DPP10: variants seen among roughly 807,000 people sequenced by gnomAD.
The protein encoded by DPP10 is dipeptidyl peptidase like 10, also known as inactive dipeptidyl peptidase 10.
A neutral mutation model predicts 120.9 loss-of-function variants in DPP10; 33 were observed. The ratio of observed to expected loss-of-function variants is 0.27; its 90% CI spans 0.21 to 0.37. The LOEUF is 0.37. Ranked by LOEUF, DPP10 falls within the 10% of genes least tolerant of loss-of-function variation. The probability of loss-of-function intolerance (pLI) is 1.00; values close to 1 mark genes in which losing one functional copy is unlikely to be tolerated. For synonymous variants in DPP10, 337 were observed against 326.1 expected, an observed-to-expected ratio of 1.03 and a Z score of -0.36; for missense variants, 816 against 942.8, an observed-to-expected ratio of 0.87 and a Z score of 1.76.
intron 1 of DPP10, among the ~76,000 whole-genome samples, chr2:115,286,691 CA>C: frequency 6.7e-6 from 1 of 149,672 alleles, no homozygotes; most frequent in East Asian, 2.0e-4. Flanking sequence ...AGATGATAGA[CA>C]AGGAAGAAAA....
chr2:114,651,595 CTG>C (rs1476950948), intron 1 of DPP10, among the ~76,000 whole-genome samples: 3 of 152,114 alleles, frequency 2.0e-5, no homozygotes, highest in African/African-American at 7.2e-5. Flanking sequence ...TTCCGTGACA[CTG>C]TTTTAAAAAC....
intron 5 of DPP10, among the ~76,000 whole-genome samples, chr2:115,686,227 T>C: frequency 6.6e-6 from 1 of 152,042 alleles, no homozygotes; most frequent in Non-Finnish European, 1.5e-5. Context: ...AGCATAGTGA[T>C]GAAGAGTTGT....
chr2:114,684,454 A>G (rs1200313624), intron 1 of DPP10, among the ~76,000 whole-genome samples: 3 of 152,166 alleles, frequency 2.0e-5, no homozygotes, highest in East Asian at 3.9e-4. Context: ...TGAGGTTAGC[A>G]TATGAAAGTG....
chr2:115,059,042 A>G (rs144796850), intron 1 of DPP10, among the ~76,000 whole-genome samples: 16 of 152,276 alleles, frequency 1.1e-4, no homozygotes, highest in African/African-American at 3.4e-4. Flanking sequence ...ATTCGTGTCT[A>G]TCTTGGTAAT....
At chr2:115,308,754 G>T (rs1311062172) in intron 1 of DPP10, among the ~76,000 whole-genome samples, 1 of 144,526 alleles carries the variant, frequency 6.9e-6, no homozygotes, top group Non-Finnish European at 1.5e-5. Flanking sequence ...GACCTGTTTG[G>T]TTAACAAATG....
intron 1 of DPP10, among the ~76,000 whole-genome samples, chr2:115,283,949 C>A (rs2060262769): frequency 6.6e-6 from 1 of 151,984 alleles, no homozygotes; most frequent in South Asian, 2.1e-4. Flanking sequence ...ATATGCTATA[C>A]CATCTAGATT....
intron 1 of DPP10, among the ~76,000 whole-genome samples, chr2:115,010,822 T>C (rs1702211158): frequency 6.6e-6 from 1 of 152,194 alleles, no homozygotes; most frequent in Non-Finnish European, 1.5e-5. Context: ...ACAAACCTTC[T>C]ACTGTTGCCA....
intron 1 of DPP10, among the ~76,000 whole-genome samples, chr2:115,015,162 T>C (rs1702543707): frequency 1.3e-5 from 2 of 152,160 alleles, no homozygotes; most frequent in Non-Finnish European, 2.9e-5. Context: ...CACGATCAAG[T>C]TGGCTGCATC....
intron 1 of DPP10, among the ~76,000 whole-genome samples, chr2:114,843,976 T>TAAAAAACA: frequency 6.6e-6 from 1 of 152,322 alleles, no homozygotes; most frequent in East Asian, 1.9e-4. Context: ...ATGTCTTTGG[T>TAAAAAACA]GTAAACAACA....
At chr2:114,993,860 G>A (rs1034054336) in intron 1 of DPP10, among the ~76,000 whole-genome samples, 1 of 151,892 alleles carries the variant, frequency 6.6e-6, no homozygotes, top group Non-Finnish European at 1.5e-5. Flanking sequence ...TATTATAATT[G>A]AAGTCCAAAT....
rs1030572967 is a variant in DPP10, at chr2:114,825,159, T to C, written c.60+382321T>C. ...GGTAACCTCATCTGTCAGTGTAAAA[T>C]CAATCAGGGATCTTCCCTGTAGGCT... On this transcript the variant is annotated intron_variant, in intron 1 of 25. Transcript: ENST00000410059. Among the ~76,000 whole-genome samples the C allele has an allele frequency of 2.6e-5, 4 of 152,316 alleles. No homozygotes were observed. The East Asian group carries it at 7.7e-4, about 29-fold the overall frequency.
chr2:115,591,983 T>C (rs2082692293), intron 5 of DPP10, among the ~76,000 whole-genome samples: 1 of 151,762 alleles, frequency 6.6e-6, no homozygotes, highest in Non-Finnish European at 1.5e-5. Flanking sequence ...GCTTTCCTTT[T>C]CATTCCTGAC....
chr2:114,521,932 C>G (rs1215393928), intron 1 of DPP10, among the ~76,000 whole-genome samples: 1 of 149,124 alleles, frequency 6.7e-6, no homozygotes, highest in African/African-American at 2.5e-5. Context: ...CTCAGCCTCC[C>G]GAGTAGCTGG....
chr2:114,881,578 A>G (rs3981176), intron 1 of DPP10, among the ~76,000 whole-genome samples: 6 of 99,070 alleles, frequency 6.1e-5, no homozygotes, highest in South Asian at 4.1e-4. Flanking sequence ...CTATCTATCT[A>G]TCTGTCTGTC....
intron 3 of DPP10, among the ~76,000 whole-genome samples, chr2:115,386,549 G>T (rs973750895): frequency 9.9e-5 from 15 of 152,182 alleles, no homozygotes; most frequent in African/African-American, 3.4e-4. Context: ...AGGCAAATAT[G>T]TAAGGAAACT....
At chr2:114,449,462 T>C (rs1044916465) in intron 1 of DPP10, among the ~76,000 whole-genome samples, 3 of 148,748 alleles carry the variant, frequency 2.0e-5, no homozygotes, top group African/African-American at 5.1e-5. Context: ...AGCACTCTGA[T>C]GTTTTTCTTT....
At chr2:115,378,178 C>A (rs2065967357) in intron 3 of DPP10, among the ~76,000 whole-genome samples, 1 of 152,122 alleles carries the variant, frequency 6.6e-6, no homozygotes, top group Admixed American at 6.6e-5. Flanking sequence ...ATTCTTCCTA[C>A]CCATGAGCAT....
chr2:114,954,162 G>C (rs1698025385), intron 1 of DPP10, among the ~76,000 whole-genome samples: 1 of 144,096 alleles, frequency 6.9e-6, no homozygotes, highest in East Asian at 2.1e-4. Flanking sequence ...CTCACTGCAA[G>C]CTCCGCCTCC....
chr2:115,662,691 T>A (rs1365828486), intron 5 of DPP10, among the ~76,000 whole-genome samples: 2 of 152,190 alleles, frequency 1.3e-5, no homozygotes, highest in African/African-American at 4.8e-5. Flanking sequence ...GGTAGAAATG[T>A]AAATTGTTAC....
Sources: allele counts gnomAD v4.1 joint callset (sites outside exome capture counted in the v4.1 genomes callset), GRCh38; gene constraint gnomAD v4.1.1; transcripts MANE v1.5; gene names NCBI Gene and HGNC (gene_info 2026-07-23, HGNC 2026-07-21).